CAMK4: variants seen among roughly 807,000 people sequenced by gnomAD.
CAMK4 encodes calcium/calmodulin-dependent protein kinase type IV.
Under a neutral mutation model 44.9 loss-of-function variants are expected in CAMK4, and 22 were observed. The ratio of observed to expected loss-of-function variants is 0.49; its 90% CI spans 0.35 to 0.70. CAMK4 has a LOEUF of 0.70. CAMK4 is among the 30% of genes least tolerant of loss of function. The pLI is 0.01. For missense variants in CAMK4, 498 were observed against 586.8 expected, an observed-to-expected ratio of 0.85 and a Z score of 1.56; for synonymous variants, 218 against 215.4, an observed-to-expected ratio of 1.01 and a Z score of -0.11.
At chr5:111,301,873 T>G (rs1747733390) in intron 1 of CAMK4, among the ~76,000 whole-genome samples, 1 of 152,206 alleles carries the variant, frequency 6.6e-6, no homozygotes, top group Admixed American at 6.5e-5. Flanking sequence ...ATTTATTCTC[T>G]CTACAGTTCA....
intron 2 of CAMK4, among the ~76,000 whole-genome samples, chr5:111,350,647 T>A (rs1255808890): frequency 6.6e-6 from 1 of 152,030 alleles, no homozygotes; most frequent in African/African-American, 2.4e-5. Context: ...CCAGGTCTAA[T>A]TTTTGTATAT....
At chr5:111,370,121 G>T (rs952758000) in intron 2 of CAMK4, among the ~76,000 whole-genome samples, 1 of 151,978 alleles carries the variant, frequency 6.6e-6, no homozygotes, top group Admixed American at 6.6e-5. Context: ...GGAGTATCGT[G>T]GAAAAATAAT....
At chr5:111,440,987 C>T (rs1039199693) in intron 5 of CAMK4, among the ~76,000 whole-genome samples, 3 of 152,098 alleles carry the variant, frequency 2.0e-5, no homozygotes, top group Non-Finnish European at 4.4e-5. Context: ...TTCTAATTCC[C>T]ACTACAATCT....
chr5:111,359,784 T>A (rs1425509490), intron 2 of CAMK4, among the ~76,000 whole-genome samples: 1 of 152,086 alleles, frequency 6.6e-6, no homozygotes, highest in African/African-American at 2.4e-5. Flanking sequence ...GGAGTCCAGT[T>A]TTAATCTTCA....
chr5:111,346,482 T>TTATCTATCTATCTATCTATC lies in CAMK4; in HGVS notation c.240+2394_240+2413dup, dbSNP rs58011893. Among the ~76,000 whole-genome samples, 189 of 150,028 alleles carry TTATCTATCTATCTATCTATC rather than the reference T, an allele frequency of 1.3e-3. 1 individual carries two copies. Among genetic ancestry groups the TTATCTATCTATCTATCTATC allele is most frequent in the Middle Eastern group, 3.4e-3 (1 of 292 alleles). ...CCCTAAGCCCAAGAGGCTTGAAACT[T>TTATCTATCTATCTATCTATC]TATCTATCTATCTATCTATCTATCT... is the stretch of plus-strand genomic sequence containing the variant. On this transcript the variant is annotated intron_variant, in intron 2 of 10. Coordinates refer to ENST00000282356, the MANE Select transcript of CAMK4 (RefSeq NM_001744.6).
intron 2 of CAMK4, among the ~76,000 whole-genome samples, chr5:111,344,406 A>G (rs918235421): frequency 1.3e-4 from 13 of 99,404 alleles, no homozygotes; most frequent in Admixed American, 3.6e-4. Context: ...TTATATATAT[A>G]TATATGTATA....
At chr5:111,405,240 C>T (rs1160123804) in intron 5 of CAMK4, among the ~76,000 whole-genome samples, 6 of 152,134 alleles carry the variant, frequency 3.9e-5, no homozygotes, top group South Asian at 2.1e-4. Context: ...GAGGCCAAGG[C>T]GGGCGGATCA....
intron 1 of CAMK4, among the ~76,000 whole-genome samples, chr5:111,264,753 A>T (rs1157913968): frequency 6.6e-6 from 1 of 151,916 alleles, no homozygotes; most frequent in African/African-American, 2.4e-5. Flanking sequence ...TGGAACCAGG[A>T]TCTCTTTTGG....
At chr5:111,418,614 C>A (rs1752902778) in intron 5 of CAMK4, among the ~76,000 whole-genome samples, 1 of 149,484 alleles carries the variant, frequency 6.7e-6, no homozygotes, top group Admixed American at 6.7e-5. Context: ...CACAACAGTC[C>A]CCAGAGTGTG....
chr5:111,331,044 A>G (rs899781592), intron 1 of CAMK4, among the ~76,000 whole-genome samples: 4 of 151,766 alleles, frequency 2.6e-5, no homozygotes, highest in Non-Finnish European at 4.4e-5. Context: ...TAATATCTTT[A>G]TGACTTGAGG....
chr5:111,357,789 A>T (rs1239085520), intron 2 of CAMK4, among the ~76,000 whole-genome samples: 2 of 152,110 alleles, frequency 1.3e-5, no homozygotes, highest in Admixed American at 6.6e-5. Flanking sequence ...AATGGAACCC[A>T]CACTGAATTG....
chr5:111,244,731 C>T (rs1008782142), intron 1 of CAMK4, among the ~76,000 whole-genome samples: 2 of 151,920 alleles, frequency 1.3e-5, no homozygotes, highest in African/African-American at 2.4e-5. Flanking sequence ...CATGGTGGTG[C>T]GTGCCTGTAG....
intron 4 of CAMK4, among the ~76,000 whole-genome samples, chr5:111,388,417 ACATTAGAAGTTATGAATGTGGATGAATAT>A (rs1248411602): frequency 6.6e-6 from 1 of 152,204 alleles, no homozygotes; most frequent in Non-Finnish European, 1.5e-5. Flanking sequence ...TACCTGGCTC[ACATTAGAAGTTATGAATGTGGATGAATAT>A]CACCACTTTC....
At chr5:111,410,439 C>T (rs1752592238) in intron 5 of CAMK4, among the ~76,000 whole-genome samples, 1 of 152,092 alleles carries the variant, frequency 6.6e-6, no homozygotes, top group Admixed American at 6.5e-5. Context: ...GGGATTATTA[C>T]AGTTTAAGGT....
At chr5:111,224,359 T>G, upstream of CAMK4, 3 of 1,278,960 alleles carry the variant, frequency 2.3e-6, no homozygotes, top group Non-Finnish European at 3.0e-6. This position sits in a 1 kb window ranked among gnomAD's most constrained non-coding sequence, Gnocchi z 5.7. Flanking sequence ...GCGGTGGGCG[T>G]GTGCGCGCGT....
chr5:111,477,646 C>G (rs2112494841), intron 8 of CAMK4, among the ~76,000 whole-genome samples: 1 of 152,248 alleles, frequency 6.6e-6, no homozygotes, highest in African/African-American at 2.4e-5. Flanking sequence ...CCCACTTTTC[C>G]CATTCATTTT....
chr5:111,309,446 A>G (rs559503588), intron 1 of CAMK4, among the ~76,000 whole-genome samples: 1 of 152,210 alleles, frequency 6.6e-6, no homozygotes, highest in African/African-American at 2.4e-5. Flanking sequence ...TGGGCAAAAT[A>G]TGTGCCCATT....
At chr5:111,315,744 A>G (rs1204322804) in intron 1 of CAMK4, among the ~76,000 whole-genome samples, 1 of 152,140 alleles carries the variant, frequency 6.6e-6, no homozygotes, top group African/African-American at 2.4e-5. Flanking sequence ...GTTTGGCAAT[A>G]TTTAGACAAA....
chr5:111,375,077 G>A (rs1213566661), intron 3 of CAMK4, among the ~76,000 whole-genome samples, 165 bp downstream of exon 3: 1 of 152,094 alleles, frequency 6.6e-6, no homozygotes, highest in Non-Finnish European at 1.5e-5. Flanking sequence ...TCCTTTGGCT[G>A]AATAAGTCTT....
Sources: allele counts gnomAD v4.1 joint callset (sites outside exome capture counted in the v4.1 genomes callset), GRCh38; gene constraint gnomAD v4.1.1; non-coding constraint Gnocchi (gnomAD v3.1); transcripts MANE v1.5; gene names NCBI Gene and HGNC (gene_info 2026-07-23, HGNC 2026-07-21).